Variants in PALS2 observed in about 807,000 individuals in gnomAD.
PALS2 encodes protein associated with LIN7 2, MAGUK p55 family member, also known as protein PALS2.
In PALS2, 27 loss-of-function variants were observed where a neutral mutation model predicts 61.6. The ratio of observed to expected loss-of-function variants is 0.44; its 90% CI spans 0.32 to 0.60. The LOEUF (loss-of-function observed/expected upper bound fraction) is 0.60. Ranked by LOEUF, PALS2 falls within the 20% of genes least tolerant of loss-of-function variation. The pLI is 0.05. For synonymous variants in PALS2, 236 were observed against 218.6 expected, an observed-to-expected ratio of 1.08 and a Z score of -0.70; for missense variants, 554 against 639.4, an observed-to-expected ratio of 0.87 and a Z score of 1.44.
chr7:24,575,563 G>A (rs1298190258), intron 1 of PALS2, among the ~76,000 whole-genome samples: 1 of 152,042 alleles, frequency 6.6e-6, no homozygotes, highest in Non-Finnish European at 1.5e-5. Context: ...TTTTTAAAAA[G>A]TTGTTTTAAA....
intron 1 of PALS2, among the ~76,000 whole-genome samples, chr7:24,605,469 G>C (rs939609506): frequency 2.4e-4 from 37 of 152,116 alleles, no homozygotes; most frequent in African/African-American, 8.2e-4. Flanking sequence ...GATATAGTAA[G>C]ATATTACTTA....
Position 24,694,116 on chromosome 7 carries a change from C to G in PALS2, c.*6502C>G, listed in dbSNP as rs538697181. The G allele has an allele frequency of 3.3e-5, 5 of 152,142 alleles. No homozygotes were observed. The East Asian group carries it at 9.6e-4, about 29-fold the overall frequency. 9.4% of individuals were successfully genotyped at this position (152,142 alleles called of 1,614,324 possible). On this transcript the variant is annotated 3_prime_UTR_variant, in exon 12 of 12. Coordinates refer to ENST00000222644, the MANE Select transcript of PALS2 (RefSeq NM_001303037.2). Reference sequence around the variant, plus strand: ...AAGAAAAATTAATTGCTACTGCTTTCCAGGTAATTGTATTATTAGTTTCTG... The same window carrying G: ...AAGAAAAATTAATTGCTACTGCTTTGCAGGTAATTGTATTATTAGTTTCTG...
intron 1 of PALS2, among the ~76,000 whole-genome samples, chr7:24,605,536 A>C (rs901654716): frequency 2.1e-4 from 32 of 152,346 alleles, no homozygotes; most frequent in Admixed American, 1.7e-3. Context: ...GAAATGAAGC[A>C]TATATCTTCA....
intron 5 of PALS2, among the ~76,000 whole-genome samples, chr7:24,653,008 C>T (rs895844309): frequency 6.6e-6 from 1 of 152,152 alleles, no homozygotes; most frequent in Non-Finnish European, 1.5e-5. Context: ...GGGGGCTATT[C>T]GTAATTCCAT....
At chr7:24,663,783 A>G (rs1786864794) in intron 6 of PALS2, 62 bp downstream of exon 6, 4 of 1,499,024 alleles carry the variant, frequency 2.7e-6, no homozygotes, top group Non-Finnish European at 3.7e-6. Flanking sequence ...GATCTGATCA[A>G]TATCTGAATA....
At chr7:24,602,745 T>G (rs989190232) in intron 1 of PALS2, among the ~76,000 whole-genome samples, 17 of 152,228 alleles carry the variant, frequency 1.1e-4, no homozygotes, top group Middle Eastern at 3.4e-3. Context: ...GGTGATATGG[T>G]TTGGCTTTCT....
chr7:24,608,509 C>T (rs778374021), intron 1 of PALS2, among the ~76,000 whole-genome samples: 1 of 152,150 alleles, frequency 6.6e-6, no homozygotes, highest in Non-Finnish European at 1.5e-5. Context: ...TCATATTTGT[C>T]ATCTTTGTTC....
At chr7:24,656,324 A>G (rs755902173) in intron 5 of PALS2, among the ~76,000 whole-genome samples, 3 of 152,196 alleles carry the variant, frequency 2.0e-5, no homozygotes, top group Non-Finnish European at 4.4e-5. Flanking sequence ...TGTCATTTGC[A>G]TAAGCATAGT....
intron 1 of PALS2, among the ~76,000 whole-genome samples, chr7:24,616,173 G>A (rs7785886): frequency 0.039 from 5,916 of 152,130 alleles, 156 homozygotes; most frequent in Non-Finnish European, 0.058. Flanking sequence ...GTCTTATTCA[G>A]CACAGTACTG....
chr7:24,634,092 G>A (rs1017152723), intron 2 of PALS2, among the ~76,000 whole-genome samples: 11 of 133,534 alleles, frequency 8.2e-5, no homozygotes, highest in African/African-American at 2.6e-4. Context: ...TTATTATGAA[G>A]TTGTGAGAGT....
chr7:24,683,408 C>T (rs1788033447), intron 11 of PALS2, among the ~76,000 whole-genome samples: 1 of 152,012 alleles, frequency 6.6e-6, no homozygotes, highest in Admixed American at 6.6e-5. Context: ...TTCATGAGCA[C>T]GTATGTTCAA....
chr7:24,636,490 T>C (rs1785245918), intron 2 of PALS2, among the ~76,000 whole-genome samples: 1 of 152,186 alleles, frequency 6.6e-6, no homozygotes, highest in Non-Finnish European at 1.5e-5. Context: ...TGCAAATAAC[T>C]ATGTAATACA....
chr7:24,617,808 C>T (rs140706977), intron 1 of PALS2, among the ~76,000 whole-genome samples: 1 of 152,180 alleles, frequency 6.6e-6, no homozygotes, highest in African/African-American at 2.4e-5. Flanking sequence ...GGCCATGGGG[C>T]TGTTACTCTG....
At chr7:24,665,809 T>C in intron 7 of PALS2, 122 bp downstream of exon 7, 1 of 989,334 alleles carries the variant, frequency 1.0e-6, no homozygotes, top group African/African-American at 1.6e-5. Flanking sequence ...CTCCCTCTGC[T>C]TTCTCTCGCT....
intron 2 of PALS2, among the ~76,000 whole-genome samples, chr7:24,629,023 G>C (rs1356541110): frequency 6.6e-6 from 1 of 152,050 alleles, no homozygotes; most frequent in Non-Finnish European, 1.5e-5. Context: ...AAAAGAGCCG[G>C]TATAGCCTAG....
chr7:24,681,307 A>G (rs775785364), intron 11 of PALS2, among the ~76,000 whole-genome samples: 28 of 152,170 alleles, frequency 1.8e-4, no homozygotes, highest in South Asian at 1.2e-3. Context: ...CCTAGCTTCA[A>G]TAATCGTGGC....
intron 1 of PALS2, among the ~76,000 whole-genome samples, chr7:24,621,225 C>A (rs978100549): frequency 6.6e-6 from 1 of 151,950 alleles, no homozygotes; most frequent in Non-Finnish European, 1.5e-5. Flanking sequence ...TCCTCTTGTT[C>A]GCTTCTTTAC....
intron 3 of PALS2, 118 bp from the exon 4 acceptor site, chr7:24,649,494 A>G (rs988172998): frequency 1.3e-6 from 1 of 752,832 alleles, no homozygotes; most frequent in Non-Finnish European, 2.0e-6. Flanking sequence ...GGAATTTAAT[A>G]CCATGTGCCT....
At position 24,624,569 on chromosome 7, in the gene PALS2, T is replaced by C. The variant is rs369178269; in HGVS notation, c.117+785T>C. 9.3e-5 allele frequency among the ~76,000 whole-genome samples: 14 copies of C among 151,284 alleles called. 1 individual carries two copies. Among genetic ancestry groups the C allele is most frequent in the Admixed American group, 7.2e-4 (11 of 15,208 alleles). ...CTGAAAAATACCTTTTACAAGGTTT[T>C]CTATTAGTGAGAGTGAATTAATGAT... On this transcript the variant is annotated intron_variant, in intron 2 of 11. Coordinates refer to ENST00000222644, the MANE Select transcript of PALS2 (RefSeq NM_001303037.2).
Sources: allele counts gnomAD v4.1 joint callset (sites outside exome capture counted in the v4.1 genomes callset), GRCh38; gene constraint gnomAD v4.1.1; transcripts MANE v1.5; gene names NCBI Gene and HGNC (gene_info 2026-07-23, HGNC 2026-07-21).